The following SNX14 variants were observed in gnomAD, a reference collection of about 807,000 sequenced individuals.
SNX14 encodes the protein sorting nexin-14.
In SNX14, 93 loss-of-function variants were observed where a neutral mutation model predicts 133.8. The observed-to-expected ratio is 0.70, with a 90% confidence interval of 0.59 to 0.83. The LOEUF is 0.83. Ranked by LOEUF, SNX14 falls within the 40% of genes least tolerant of loss-of-function variation. The pLI, the probability that SNX14 is intolerant of heterozygous loss-of-function variation, is 0.00. For missense variants in SNX14, 945 were observed against 1,094.9 expected, an observed-to-expected ratio of 0.86 and a Z score of 1.93; for synonymous variants, 368 against 365.6, an observed-to-expected ratio of 1.01 and a Z score of -0.07.
At chr6:85,534,818 G>A (rs2128015715) in intron 17 of SNX14, among the ~76,000 whole-genome samples, 1 of 134,400 alleles carries the variant, frequency 7.4e-6, no homozygotes, top group African/African-American at 2.8e-5. Context: ...GTCTACAGGG[G>A]TGAAAAGGGA....
At chr6:85,517,967 T>G in intron 22 of SNX14, 41 bp downstream of exon 22, 2 of 1,583,064 alleles carry the variant, frequency 1.3e-6, no homozygotes, top group Non-Finnish European at 1.7e-6. Flanking sequence ...AATATGTTTA[T>G]GATTATCATG....
Position 85,574,325 on chromosome 6 carries a change from A to T in SNX14, c.194T>A (p.Phe65Tyr), listed in dbSNP as rs779009488. The change falls in exon 2 of 29, where the codon TTC (phenylalanine) becomes TAC (tyrosine). Residue 65 changes from phenylalanine (F) to tyrosine (Y), a missense_variant. Physicochemically the swap from Phe to Tyr is conservative, Grantham distance 22. Transcript: ENST00000314673. ...AGAATCAGGTCCTAGTGAGCAGTAG[A>T]ATGTGACAACTCCAGCAACAAATGA... ...FWSFVAGVVT[F>Y]YCSLGPDSLL... 10 of 1,589,348 alleles carry T rather than the reference A, an allele frequency of 6.3e-6. No homozygotes were observed. In the Admixed American group the frequency reaches 1.3e-4, roughly 21 times the overall value.
intron 7 of SNX14, among the ~76,000 whole-genome samples, chr6:85,551,065 G>C (rs149896644): frequency 4.6e-4 from 70 of 152,308 alleles, no homozygotes; most frequent in African/African-American, 1.4e-4. Flanking sequence ...ACAGGCATGA[G>C]CCACTGCGCC....
intron 23 of SNX14, chr6:85,517,511 C>T (rs1321679530): frequency 3.3e-6 from 1 of 300,348 alleles, no homozygotes; most frequent in African/African-American, 2.2e-5. Flanking sequence ...TTTTAAAAAT[C>T]CCCAAATACA....
intron 2 of SNX14, among the ~76,000 whole-genome samples, chr6:85,572,839 A>T (rs1466083970): frequency 6.6e-6 from 1 of 152,048 alleles, no homozygotes; most frequent in Non-Finnish European, 1.5e-5. Flanking sequence ...CATGCCTATA[A>T]TCCCAGCTAC....
chr6:85,552,804 G>A (rs1447773507), intron 7 of SNX14, among the ~76,000 whole-genome samples: 2 of 152,152 alleles, frequency 1.3e-5, no homozygotes, highest in Non-Finnish European at 2.9e-5. Flanking sequence ...TTCTTCCTGA[G>A]GGGCCTGGAG....
chr6:85,591,980 T>C (rs571665229), intron 1 of SNX14, among the ~76,000 whole-genome samples: 2 of 152,282 alleles, frequency 1.3e-5, no homozygotes, highest in East Asian at 3.9e-4. Context: ...ATCACTGCAC[T>C]CCAGCCTGGG....
At chr6:85,592,586 C>T (rs999603073) in intron 1 of SNX14, among the ~76,000 whole-genome samples, 1 of 152,166 alleles carries the variant, frequency 6.6e-6, no homozygotes, top group Non-Finnish European at 1.5e-5. Flanking sequence ...AAGTTTATTT[C>T]GGGGGCAGAA....
intron 7 of SNX14, among the ~76,000 whole-genome samples, chr6:85,555,881 G>A (rs909840588): frequency 4.0e-5 from 6 of 151,860 alleles, no homozygotes; most frequent in African/African-American, 1.5e-4. Flanking sequence ...CCAGCTACTC[G>A]GGAGGCTGAG....
At chr6:85,547,425 A>C (rs1260738706) in intron 10 of SNX14, 28 bp from the exon 11 acceptor site, 1 of 1,608,664 alleles carries the variant, frequency 6.2e-7, no homozygotes, top group Admixed American at 1.7e-5. Flanking sequence ...TTATTAACTC[A>C]GTAAAATTCC....
At chr6:85,515,268 A>C (rs946331727) in intron 23 of SNX14, among the ~76,000 whole-genome samples, 1 of 148,314 alleles carries the variant, frequency 6.7e-6, no homozygotes, top group African/African-American at 2.5e-5. Context: ...CCGTCAAAAA[A>C]AAAAAAAAAA....
chr6:85,561,704 T>C (rs940789001), intron 6 of SNX14, among the ~76,000 whole-genome samples: 1 of 152,184 alleles, frequency 6.6e-6, no homozygotes, highest in Non-Finnish European at 1.5e-5. Flanking sequence ...TTAACAGTGA[T>C]AAGGAGGTAT....
chr6:85,526,075 G>A (rs1195474009), intron 21 of SNX14, 51 bp downstream of exon 21: 4 of 1,198,616 alleles, frequency 3.3e-6, no homozygotes, highest in Non-Finnish European at 4.7e-6. Flanking sequence ...ATCTGAAAAT[G>A]CTGATTCTTT....
chr6:85,513,477 T>C (rs1401165938), intron 26 of SNX14, among the ~76,000 whole-genome samples: 1 of 152,242 alleles, frequency 6.6e-6, no homozygotes, highest in Non-Finnish European at 1.5e-5. Flanking sequence ...TCATACACAC[T>C]AGTGAGCTAT....
rs560407815 is a variant in SNX14, at chr6:85,529,568, G to C, written c.1894+624C>G. ...AGGATGGTACTGCACCAGATTGGTA[G>C]AGAGAAAGATAAAACCATTTGAACA... On this transcript the variant is annotated intron_variant, in intron 19 of 28. Coordinates refer to ENST00000314673, the MANE Select transcript of SNX14 (RefSeq NM_153816.6). Among the ~76,000 whole-genome samples, 8 of 152,306 alleles carry C rather than the reference G, an allele frequency of 5.3e-5. No individual in the cohort carries two copies. The South Asian group carries it at 1.7e-3, about 32-fold the overall frequency.
At chr6:85,555,141 A>T (rs1380846846) in intron 7 of SNX14, among the ~76,000 whole-genome samples, 2 of 152,142 alleles carry the variant, frequency 1.3e-5, no homozygotes, top group Non-Finnish European at 1.5e-5. Flanking sequence ...AGACAAAGCA[A>T]TTTGGGGATT....
intron 21 of SNX14, among the ~76,000 whole-genome samples, chr6:85,521,499 T>C (rs1421188287): frequency 6.6e-6 from 1 of 152,124 alleles, no homozygotes; most frequent in African/African-American, 2.4e-5. Flanking sequence ...CTGTATTGTC[T>C]TCTAACTGAA....
Position 85,505,851 on chromosome 6 carries a change from A to G in SNX14, c.*116T>C, listed in dbSNP as rs1770438044. On this transcript the variant is annotated 3_prime_UTR_variant, in exon 29 of 29. Transcript: ENST00000314673. ...TCTTTATTAAAAACAAAAAATAACT[A>G]AAATTTCAGACAGCGATGTACATAA... The G allele has an allele frequency of 1.5e-6, 1 of 688,660 alleles. No individual in the cohort carries two copies. 42.7% of individuals were successfully genotyped at this position (688,660 alleles called of 1,614,324 possible).
intron 1 of SNX14, among the ~76,000 whole-genome samples, chr6:85,587,370 A>G (rs1281623851): frequency 6.6e-6 from 1 of 152,258 alleles, no homozygotes; most frequent in Non-Finnish European, 1.5e-5. Flanking sequence ...AATATACAAA[A>G]CACAGAATGA....
Sources: gnomAD v4.1 joint callset for allele counts (sites outside exome capture counted in the v4.1 genomes callset) on GRCh38, gnomAD v4.1.1 for gene constraint, MANE v1.5 for transcripts, NCBI Gene and HGNC (gene_info 2026-07-23, HGNC 2026-07-21) for gene names.